ZHX2: variants seen among roughly 807,000 people sequenced by gnomAD.
The protein encoded by ZHX2 is zinc fingers and homeoboxes protein 2.
Under a neutral mutation model 21.9 loss-of-function variants are expected in ZHX2, and 6 were observed. That is an observed-to-expected ratio of 0.27 (90% confidence interval 0.15 to 0.54). ZHX2 has a LOEUF of 0.54. Ranked by LOEUF, ZHX2 falls within the 20% of genes least tolerant of loss-of-function variation. ZHX2 has a pLI of 0.95. For missense variants in ZHX2, 908 were observed against 1,090.7 expected (o/e 0.83, Z 2.36); for synonymous variants, 434 against 437.1 (o/e 0.99, Z 0.09).
intron 3 of ZHX2, among the ~76,000 whole-genome samples, chr8:122,959,988 A>G (rs536407230): frequency 1.3e-5 from 2 of 152,280 alleles, no homozygotes; most frequent in South Asian, 2.1e-4. Context: ...AGACATTCCT[A>G]ATAAGTGATT....
chr8:122,815,241 AC>A (rs1818007203), intron 1 of ZHX2, among the ~76,000 whole-genome samples: 1 of 152,248 alleles, frequency 6.6e-6, no homozygotes, highest in South Asian at 2.1e-4. Context: ...TCCGTTAGGT[AC>A]AATAGGCACA....
intron 1 of ZHX2, among the ~76,000 whole-genome samples, chr8:122,861,662 C>A (rs553378759): frequency 6.6e-6 from 1 of 152,242 alleles, no homozygotes; most frequent in East Asian, 1.9e-4. Flanking sequence ...ACTGGTTGTA[C>A]CTCTGGGCTT....
At chr8:122,784,918 G>A (rs1342860934) in intron 1 of ZHX2, among the ~76,000 whole-genome samples, 1 of 152,224 alleles carries the variant, frequency 6.6e-6, no homozygotes, top group African/African-American at 2.4e-5. Flanking sequence ...GTATGGAAAT[G>A]CTGGGGAGAC....
At chr8:122,789,542 T>A (rs1214194334) in intron 1 of ZHX2, among the ~76,000 whole-genome samples, 2 of 152,214 alleles carry the variant, frequency 1.3e-5, no homozygotes, top group East Asian at 3.9e-4. Flanking sequence ...ATGGTGAAGT[T>A]TTTTGTGGCA....
At position 122,879,520 on chromosome 8, in the gene ZHX2, T is replaced by A. The variant is rs531092937; in HGVS notation, c.-220+15981T>A. On this transcript the variant is annotated intron_variant, in intron 2 of 3. Transcript: ENST00000314393. ...GCACCGGGCTGGTTTTTTTTTTTTTTAATTCTGCGTCATTTTTTTCATATA... is the reference window on the plus strand; with the variant it reads ...GCACCGGGCTGGTTTTTTTTTTTTTAAATTCTGCGTCATTTTTTTCATATA... Among the ~76,000 whole-genome samples the A allele has an allele frequency of 1.4e-3, 201 of 146,968 alleles. 1 individual carries two copies. Among genetic ancestry groups the A allele is most frequent in the South Asian group, 0.012 (56 of 4,720 alleles).
At chr8:122,802,070 CT>C (rs967181964) in intron 1 of ZHX2, among the ~76,000 whole-genome samples, 7 of 151,994 alleles carry the variant, frequency 4.6e-5, no homozygotes, top group African/African-American at 1.7e-4. Flanking sequence ...CTGGAGTCAT[CT>C]TTTTTCTTTT....
chr8:122,904,936 C>A (rs188587082), intron 2 of ZHX2, among the ~76,000 whole-genome samples: 1 of 152,240 alleles, frequency 6.6e-6, no homozygotes, highest in Admixed American at 6.5e-5. Context: ...AATAGAAATT[C>A]TCAGCAAATA....
chr8:122,837,198 G>T (rs889708374), intron 1 of ZHX2, among the ~76,000 whole-genome samples: 4 of 152,174 alleles, frequency 2.6e-5, no homozygotes, highest in Admixed American at 1.3e-4. Flanking sequence ...CCCCTATGGA[G>T]TAGCCATTAT....
At chr8:122,780,753 G>C (rs1278817574), upstream of ZHX2, 1 of 152,216 alleles carries the variant, frequency 6.6e-6, no homozygotes, top group African/African-American at 2.4e-5. Flanking sequence ...TTGCGAAAGC[G>C]ACCCGCCTAG....
At chr8:122,905,960 TTAGA>T (rs963371668) in intron 2 of ZHX2, among the ~76,000 whole-genome samples, 1 of 152,230 alleles carries the variant, frequency 6.6e-6, no homozygotes, top group African/African-American at 2.4e-5. Flanking sequence ...ACAGCTTCTC[TTAGA>T]TAGTTTTATT....
intron 3 of ZHX2, among the ~76,000 whole-genome samples, chr8:122,971,611 C>CAAA (rs56331425): frequency 0.02 from 1,641 of 81,726 alleles, 72 homozygotes; most frequent in Middle Eastern, 0.069. Context: ...GGCCCCTGTA[C>CAAA]AAAAAAAAAA....
intron 2 of ZHX2, among the ~76,000 whole-genome samples, chr8:122,873,768 A>C (rs533137592): frequency 5.0e-4 from 76 of 152,070 alleles, no homozygotes; most frequent in African/African-American, 1.7e-3. Flanking sequence ...GACAAAGTGT[A>C]CTCCTTCCTG....
chr8:122,969,275 A>T (rs1563612202), intron 3 of ZHX2, among the ~76,000 whole-genome samples: 1 of 152,186 alleles, frequency 6.6e-6, no homozygotes, highest in South Asian at 2.1e-4. Flanking sequence ...CAATGGGTGT[A>T]AAGTTGCAGT....
In ZHX2 at chr8:122,835,095, G is replaced by T. The variant is rs1036717232; in HGVS notation, c.-282-28382G>T. Among the ~76,000 whole-genome samples, 6 of 152,310 alleles carry T rather than the reference G, an allele frequency of 3.9e-5. No homozygotes were observed. The East Asian group carries it at 1.2e-3, about 29-fold the overall frequency. On this transcript the variant is annotated intron_variant, in intron 1 of 3. Coordinates refer to ENST00000314393, the MANE Select transcript of ZHX2 (RefSeq NM_014943.5). ...ATAACCTAGAGGTCATGCCGGGTCA[G>T]TTCATAAGACTGGGTGAGGTACTGA...
In ZHX2 at chr8:122,952,426, A is replaced by G; in HGVS notation, c.916A>G (p.Ile306Val). 6.2e-7 allele frequency: 1 copy of G among 1,614,202 alleles called. No homozygotes were observed. Among genetic ancestry groups the G allele is most frequent in the Non-Finnish European group, 8.5e-7 (1 of 1,180,030 alleles). Residue 306 changes from isoleucine (I) to valine (V), a missense_variant, in exon 3 of 4, where the codon ATC becomes GTC. Coordinates refer to ENST00000314393, the MANE Select transcript of ZHX2 (RefSeq NM_014943.5). This position sits in a 1 kb window ranked among gnomAD's most constrained non-coding sequence, Gnocchi z 6.9. ...TAASKHPEEH[I>V]RIWFATQRLK... Reference sequence around the variant, plus strand: ...TGCCTCCAAACACCCAGAGGAGCACATCAGAATCTGGTTTGCCACCCAGCG... The same window carrying G: ...TGCCTCCAAACACCCAGAGGAGCACGTCAGAATCTGGTTTGCCACCCAGCG...
intron 2 of ZHX2, among the ~76,000 whole-genome samples, chr8:122,897,889 A>G (rs1820138059): frequency 6.6e-6 from 1 of 152,154 alleles, no homozygotes; most frequent in Non-Finnish European, 1.5e-5. Flanking sequence ...GGTGGCCTAG[A>G]TCGCTGAAAG....
At chr8:122,866,929 A>G (rs1002845736) in intron 2 of ZHX2, among the ~76,000 whole-genome samples, 1 of 151,570 alleles carries the variant, frequency 6.6e-6, no homozygotes, top group African/African-American at 2.4e-5. Flanking sequence ...GGCTTGAACA[A>G]TTCTCTTGCC....
chr8:122,830,767 G>A (rs914108197), intron 1 of ZHX2, among the ~76,000 whole-genome samples: 1 of 152,250 alleles, frequency 6.6e-6, no homozygotes, highest in East Asian at 1.9e-4. Flanking sequence ...CTCAGAGTCT[G>A]GTAAGGATGG....
intron 1 of ZHX2, among the ~76,000 whole-genome samples, chr8:122,791,490 C>T (rs1229865652): frequency 6.6e-6 from 1 of 152,190 alleles, no homozygotes; most frequent in East Asian, 1.9e-4. Flanking sequence ...AAAATAAAGG[C>T]ACTTCAAGGG....
Sources: allele counts gnomAD v4.1 joint callset (sites outside exome capture counted in the v4.1 genomes callset), GRCh38; gene constraint gnomAD v4.1.1; non-coding constraint Gnocchi (gnomAD v3.1); transcripts MANE v1.5; gene names NCBI Gene and HGNC (gene_info 2026-07-23, HGNC 2026-07-21).